The following ANO1 variants were observed in gnomAD, a reference collection of about 807,000 sequenced individuals.
The protein encoded by ANO1 is anoctamin-1.
ANO1 carries 59 observed loss-of-function variants against 124.0 expected under a neutral mutation model. The ratio of observed to expected loss-of-function variants is 0.48; its 90% CI spans 0.39 to 0.59. The LOEUF (loss-of-function observed/expected upper bound fraction) is 0.59. Among genes scored for constraint, ANO1 ranks in the 20% least tolerant of loss-of-function variants. The pLI is 0.00. For missense variants in ANO1, 1,059 were observed against 1,328.0 expected (o/e 0.80, Z 3.15); for synonymous variants, 529 against 532.0 (o/e 0.99, Z 0.08).
chr11:70,159,814 G>A (rs1311386460), intron 16 of ANO1, among the ~76,000 whole-genome samples: 1 of 152,206 alleles, frequency 6.6e-6, no homozygotes, highest in South Asian at 2.1e-4. Context: ...GCAGGACCGA[G>A]GGGTTTTCCA....
chr11:70,046,314 G>C (rs1174011465), intron 1 of ANO1, among the ~76,000 whole-genome samples: 3 of 152,100 alleles, frequency 2.0e-5, no homozygotes, highest in Non-Finnish European at 4.4e-5. Context: ...CACCATAGCT[G>C]GTCATTGACT....
chr11:70,101,322 G>A (rs753371044), intron 2 of ANO1, among the ~76,000 whole-genome samples: 19 of 151,882 alleles, frequency 1.3e-4, no homozygotes, highest in African/African-American at 3.9e-4. Flanking sequence ...TTGGGAGGCC[G>A]AGGCAGGCAG....
chr11:70,183,842 ACC>A (rs920658008), intron 24 of ANO1, among the ~76,000 whole-genome samples: 3 of 152,192 alleles, frequency 2.0e-5, no homozygotes, highest in African/African-American at 7.2e-5. Context: ...ACCGCCCCCC[ACC>A]CCGGAATTCT....
At chr11:70,145,102 A>G (rs917819930) in intron 11 of ANO1, among the ~76,000 whole-genome samples, 2 of 152,200 alleles carry the variant, frequency 1.3e-5, no homozygotes, top group African/African-American at 4.8e-5. Flanking sequence ...AGGGCTCAGG[A>G]GCAGGAGAAT....
At position 70,133,389 on chromosome 11, in the gene ANO1, C is replaced by T. The variant is rs115384691; in HGVS notation, c.1258+1310C>T. On this transcript the variant is annotated intron_variant, in intron 11 of 25. Transcript: ENST00000355303. ...CACCTCGAAGTATGGCCTGTGATTC[C>T]GGCTCAGGCACCTCCTGACCAAGGA... Among the ~76,000 whole-genome samples the T allele has an allele frequency of 4.3e-3, 650 of 152,252 alleles. 6 individuals carry two copies. Among genetic ancestry groups the T allele is most frequent in the African/African-American group, 0.015 (612 of 41,558 alleles).
rs368580617 is a variant in ANO1 at position 70,185,567 on chromosome 11, G to A, written c.2589-23G>A. ...TGAGCCCCACCGAAGTCCCACCCTC[G>A]ACTCCACCACGGTCTTTTGCAGGTA... On this transcript the variant is annotated intron_variant, in intron 24 of 25. Coordinates refer to ENST00000355303, the MANE Select transcript of ANO1 (RefSeq NM_018043.7). The A allele has an allele frequency of 6.5e-5, 104 of 1,607,520 alleles. No individual in the cohort carries two copies. In the Admixed American group the frequency reaches 1.3e-3, roughly 20 times the overall value.
chr11:70,047,430 TGA>T lies in ANO1; in HGVS notation c.59-31102_59-31101del, dbSNP rs150568728. Among the ~76,000 whole-genome samples, 24 of 152,210 alleles carry T rather than the reference TGA, an allele frequency of 1.6e-4. No individual in the cohort carries two copies. In the East Asian group the frequency reaches 2.3e-3, roughly 15 times the overall value. ...TGGAGATATAACAATCTTTGAATGA[TGA>T]GAGAGAGAGCTAACATGAGAGGCCA... On this transcript the variant is annotated intron_variant, in intron 1 of 27. Coordinates refer to the ANO1 transcript ENST00000531349.
chr11:70,105,965 C>T (rs2045521025), intron 5 of ANO1, among the ~76,000 whole-genome samples, 177 bp downstream of exon 5: 1 of 151,918 alleles, frequency 6.6e-6, no homozygotes, highest in Non-Finnish European at 1.5e-5. Flanking sequence ...ATGGTCGTGC[C>T]CCAGGCAGGG....
intron 2 of ANO1, among the ~76,000 whole-genome samples, chr11:70,093,962 TGG>T (rs1348463265): frequency 1.3e-5 from 2 of 152,180 alleles, no homozygotes; most frequent in African/African-American, 4.8e-5. Flanking sequence ...CCTGGGCAAG[TGG>T]CTTCACCTCT....
upstream of ANO1, chr11:70,074,947 G>C (rs782000425): frequency 3.3e-5 from 5 of 152,260 alleles, no homozygotes; most frequent in African/African-American, 1.2e-4. Context: ...ACCGCCAGGC[G>C]CTGGGCCTCT....
At chr11:70,033,085 G>A (rs1482291267) in intron 1 of ANO1, among the ~76,000 whole-genome samples, 3 of 152,142 alleles carry the variant, frequency 2.0e-5, no homozygotes, top group Admixed American at 6.5e-5. Flanking sequence ...TCTCCAGCTC[G>A]ATGGGTGTGA....
At chr11:70,053,314 T>C (rs971733776) in intron 1 of ANO1, among the ~76,000 whole-genome samples, 3 of 152,232 alleles carry the variant, frequency 2.0e-5, no homozygotes, top group African/African-American at 4.8e-5. Flanking sequence ...CAGTGCAATG[T>C]TGAATAGGAG....
chr11:69,988,021 C>A (rs72931793), intron 1 of ANO1, among the ~76,000 whole-genome samples: 21,629 of 152,116 alleles, frequency 0.14, 1,634 homozygotes, highest in African/African-American at 0.17. Context: ...AGGAGTAAGA[C>A]CCCAGGACGG....
intron 22 of ANO1, among the ~76,000 whole-genome samples, chr11:70,173,114 T>G (rs1335598977): frequency 6.6e-6 from 1 of 152,174 alleles, no homozygotes; most frequent in Non-Finnish European, 1.5e-5. Context: ...TAACTTCAAC[T>G]CTGGCTTCTC....
At chr11:70,080,589 C>T (rs2044171796) in intron 1 of ANO1, among the ~76,000 whole-genome samples, 1 of 152,126 alleles carries the variant, frequency 6.6e-6, no homozygotes, top group South Asian at 2.1e-4. Flanking sequence ...AGCCCCCGGT[C>T]TCTAGAGTTT....
intron 8 of ANO1, among the ~76,000 whole-genome samples, chr11:70,117,761 C>T (rs1206319341): frequency 5.9e-5 from 9 of 152,144 alleles, no homozygotes; most frequent in Admixed American, 5.9e-4. Flanking sequence ...GGCCTTGTCC[C>T]AATTCCCAGG....
Position 70,189,146 on chromosome 11 carries a change from A to C in ANO1, c.*1142A>C, listed in dbSNP as rs1253734171. 1 of 152,626 alleles carries C rather than the reference A, an allele frequency of 6.6e-6. No individual in the cohort carries two copies. The highest frequency in any genetic ancestry group is 1.5e-5 in the Non-Finnish European group (1 of 68,034). 9.5% of individuals were successfully genotyped at this position (152,626 alleles called of 1,614,324 possible). A position where few individuals can be genotyped will look rare whatever the true frequency, so the allele number is the denominator to read the frequency against. On this transcript the variant is annotated 3_prime_UTR_variant, in exon 26 of 26. Coordinates refer to ENST00000355303, the MANE Select transcript of ANO1 (RefSeq NM_018043.7). ...AATGATATGAGTGATCTAAATTTGCAGCAATGATACTAAACAACTCTCTGA... is the reference window on the plus strand; with the variant it reads ...AATGATATGAGTGATCTAAATTTGCCGCAATGATACTAAACAACTCTCTGA...
chr11:70,112,535 T>C (rs1356071240), intron 7 of ANO1, among the ~76,000 whole-genome samples: 2 of 149,484 alleles, frequency 1.3e-5, no homozygotes, highest in East Asian at 4.0e-4. Flanking sequence ...TAACTTGTCC[T>C]AACTCCTCTT....
At chr11:70,013,052 A>T (rs1856629213) in intron 1 of ANO1, among the ~76,000 whole-genome samples, 1 of 152,242 alleles carries the variant, frequency 6.6e-6, no homozygotes, top group Non-Finnish European at 1.5e-5. Flanking sequence ...GAGGGATCTG[A>T]CCCAATGTGG....
Sources: allele counts gnomAD v4.1 joint callset (sites outside exome capture counted in the v4.1 genomes callset), GRCh38; gene constraint gnomAD v4.1.1; transcripts MANE v1.5; gene names NCBI Gene and HGNC (gene_info 2026-07-23, HGNC 2026-07-21).